The following SUGCT variants were observed in gnomAD, a reference collection of about 807,000 sequenced individuals.
The protein encoded by SUGCT is succinyl-CoA:glutarate-CoA transferase, also known as succinyl-CoA:glutarate CoA-transferase.
A neutral mutation model predicts 55.0 loss-of-function variants in SUGCT; 41 were observed. The observed-to-expected ratio is 0.74, with a 90% CI of 0.58 to 0.97. The LOEUF is 0.97. Ranked by LOEUF, SUGCT falls within the 50% of genes least tolerant of loss-of-function variation. The pLI is 0.00. For missense variants in SUGCT, 568 were observed against 547.8 expected (o/e 1.04, Z -0.37); for synonymous variants, 187 against 200.4 (o/e 0.93, Z 0.56).
intron 13 of SUGCT, among the ~76,000 whole-genome samples, chr7:40,828,235 C>G (rs143157362): frequency 6.6e-6 from 1 of 152,318 alleles, no homozygotes; most frequent in Non-Finnish European, 1.5e-5. Flanking sequence ...TCAAGTGGGG[C>G]TGCCCCAGGG....
At chr7:40,398,962 A>G (rs971053663) in intron 9 of SUGCT, among the ~76,000 whole-genome samples, 5 of 152,148 alleles carry the variant, frequency 3.3e-5, no homozygotes, top group African/African-American at 9.7e-5. Flanking sequence ...AGTATAAATA[A>G]AATCAACATG....
intron 7 of SUGCT, 89 bp downstream of exon 7, chr7:40,237,815 A>T: frequency 2.8e-6 from 3 of 1,061,480 alleles, no homozygotes; most frequent in South Asian, 1.6e-5. Flanking sequence ...GGATTAAATG[A>T]GTTGTTAGGT....
intron 6 of SUGCT, among the ~76,000 whole-genome samples, chr7:40,218,538 C>G (rs1292425025): frequency 6.6e-6 from 1 of 152,210 alleles, no homozygotes; most frequent in Non-Finnish European, 1.5e-5. Flanking sequence ...ATTGTAAATG[C>G]ACCAATCAGC....
chr7:40,646,668 G>A (rs995116435), intron 12 of SUGCT, among the ~76,000 whole-genome samples: 4 of 152,140 alleles, frequency 2.6e-5, no homozygotes, highest in East Asian at 3.8e-4. Flanking sequence ...CATCCTTGAA[G>A]TTTTTAATTT....
chr7:40,441,363 G>A (rs1287830861), intron 9 of SUGCT, among the ~76,000 whole-genome samples: 1 of 151,992 alleles, frequency 6.6e-6, no homozygotes, highest in African/African-American at 2.4e-5. Context: ...GCTTTTTAAG[G>A]ATCTTAGTTG....
At chr7:40,839,216 T>G (rs55996031) in intron 13 of SUGCT, among the ~76,000 whole-genome samples, 1,810 of 152,256 alleles carry the variant, frequency 0.012, 30 homozygotes, top group African/African-American at 0.041. Context: ...AGTTTTCTTT[T>G]GATGTACTGT....
chr7:41,023,272 G>A, the SUGCT span, among the ~76,000 whole-genome samples: 16 of 152,224 alleles, frequency 1.1e-4, no homozygotes, highest in South Asian at 6.2e-4. Flanking sequence ...TGTTGGAGCC[G>A]TTTATTACCA....
At chr7:40,247,688 A>G (rs1789995428) in intron 7 of SUGCT, among the ~76,000 whole-genome samples, 1 of 152,194 alleles carries the variant, frequency 6.6e-6, no homozygotes, top group African/African-American at 2.4e-5. Flanking sequence ...TGTGAACTAT[A>G]GGTTCCGGCC....
At chr7:40,350,322 T>G (rs975137067) in intron 9 of SUGCT, among the ~76,000 whole-genome samples, 6 of 143,004 alleles carry the variant, frequency 4.2e-5, no homozygotes, top group Non-Finnish European at 7.6e-5. Flanking sequence ...ATTTATTTAT[T>G]TATTTATTTT....
At chr7:40,599,040 C>T (rs542400647) in intron 12 of SUGCT, among the ~76,000 whole-genome samples, 1 of 152,314 alleles carries the variant, frequency 6.6e-6, no homozygotes, top group South Asian at 2.1e-4. Flanking sequence ...GGCCTACCTT[C>T]CTCTCCACTT....
At chr7:40,530,874 C>T (rs1441019566) in intron 12 of SUGCT, among the ~76,000 whole-genome samples, 1 of 152,136 alleles carries the variant, frequency 6.6e-6, no homozygotes, top group East Asian at 1.9e-4. Context: ...ATGGGTTAGG[C>T]GTGTGCTAAG....
chr7:40,259,786 A>G (rs1360358549), intron 7 of SUGCT, among the ~76,000 whole-genome samples: 1 of 152,166 alleles, frequency 6.6e-6, no homozygotes, highest in Non-Finnish European at 1.5e-5. Context: ...CTCTAATTGC[A>G]TCTTTTGTAT....
intron 6 of SUGCT, among the ~76,000 whole-genome samples, chr7:40,197,650 C>T (rs955282481): frequency 2.0e-5 from 3 of 152,184 alleles, no homozygotes; most frequent in Non-Finnish European, 2.9e-5. Context: ...AAAGCCTGTG[C>T]TCCCAATGCA....
intron 12 of SUGCT, among the ~76,000 whole-genome samples, chr7:40,712,807 C>T (rs879845462): frequency 3.3e-5 from 5 of 152,206 alleles, no homozygotes; most frequent in African/African-American, 7.2e-5. Context: ...AGGGAGCAGA[C>T]TTCAGAGTGC....
intron 13 of SUGCT, among the ~76,000 whole-genome samples, chr7:40,834,680 T>C (rs1374344830): frequency 1.3e-5 from 2 of 152,130 alleles, no homozygotes; most frequent in Non-Finnish European, 2.9e-5. Flanking sequence ...TATAGATAAA[T>C]TGGAACCCAG....
chr7:40,158,608 G>A (rs1455330080), intron 1 of SUGCT, among the ~76,000 whole-genome samples: 2 of 152,096 alleles, frequency 1.3e-5, no homozygotes, highest in Non-Finnish European at 2.9e-5. Flanking sequence ...AAATTAGCCG[G>A]GCGTGGTGGC....
chr7:40,684,009 G>C, intron 12 of SUGCT: 1 of 1,608,940 alleles, frequency 6.2e-7, no homozygotes, highest in Non-Finnish European at 8.5e-7. Flanking sequence ...TCAAATCCTT[G>C]TGGTTGTATG....
At chr7:40,327,908 A>G (rs1301271393) in intron 9 of SUGCT, among the ~76,000 whole-genome samples, 2 of 152,176 alleles carry the variant, frequency 1.3e-5, no homozygotes, top group Non-Finnish European at 2.9e-5. Flanking sequence ...TAAAATAGTT[A>G]TTGCTATTAT....
At chr7:41,036,522 G>A in the SUGCT span, among the ~76,000 whole-genome samples, 2 of 152,068 alleles carry the variant, frequency 1.3e-5, no homozygotes, top group African/African-American at 4.8e-5. Flanking sequence ...CCTCTCTTCC[G>A]ATTTCTGTAT....
Sources: allele counts gnomAD v4.1 joint callset (sites outside exome capture counted in the v4.1 genomes callset), GRCh38; gene constraint gnomAD v4.1.1; transcripts MANE v1.5; gene names NCBI Gene and HGNC (gene_info 2026-07-23, HGNC 2026-07-21).